The following LRFN2 variants were observed in gnomAD, a reference collection of about 807,000 sequenced individuals.
The protein encoded by LRFN2 is leucine rich repeat and fibronectin type III domain containing 2, also known as leucine-rich repeat and fibronectin type-III domain-containing protein 2.
A neutral mutation model predicts 37.3 loss-of-function variants in LRFN2; 18 were observed. That is an observed-to-expected ratio of 0.48 (90% CI 0.33 to 0.72). LRFN2 has a LOEUF of 0.72. Ranked by LOEUF, LRFN2 falls within the 30% of genes least tolerant of loss-of-function variation. The probability of loss-of-function intolerance (pLI) is 0.02; values close to 1 mark genes in which losing one functional copy is unlikely to be tolerated. For missense variants in LRFN2, 1,006 were observed against 1,060.7 expected, an observed-to-expected ratio of 0.95 and a Z score of 0.72; for synonymous variants, 556 against 466.6, an observed-to-expected ratio of 1.19 and a Z score of -2.47.
intron 1 of LRFN2, among the ~76,000 whole-genome samples, chr6:40,477,079 C>T (rs1251513322): frequency 6.6e-6 from 1 of 152,200 alleles, no homozygotes; most frequent in Non-Finnish European, 1.5e-5. Flanking sequence ...ACATATTAGA[C>T]TTACAAGGAG....
chr6:40,452,607 C>T (rs1347258), intron 1 of LRFN2, among the ~76,000 whole-genome samples: 5,513 of 152,256 alleles, frequency 0.036, 332 homozygotes, highest in African/African-American at 0.12. Context: ...GGATTTGACC[C>T]ACTTAATTGT....
At chr6:40,546,561 A>G (rs979584926) in intron 1 of LRFN2, among the ~76,000 whole-genome samples, 3 of 152,168 alleles carry the variant, frequency 2.0e-5, no homozygotes, top group African/African-American at 7.2e-5. Flanking sequence ...ACCAACTCTC[A>G]TGAATCAGAT....
chr6:40,392,140 C>T lies in LRFN2; in HGVS notation c.2173G>A (p.Asp725Asn), dbSNP rs267601025. The T allele has an allele frequency of 8.7e-6, 14 of 1,610,990 alleles. No homozygotes were observed. The highest frequency in any genetic ancestry group is 1.6e-4 in the Middle Eastern group (1 of 6,068). The change falls in exon 3 of 3, where the codon GAC (aspartate) becomes AAC (asparagine). Residue 725 changes from aspartate (D) to asparagine (N), a missense_variant. Transcript: ENST00000338305. The surrounding 1 kb of genome is among the most constrained non-coding windows in gnomAD (Gnocchi z 4.7). ...EGKAKRSHSFDMGDFAAAAAG... is the reference protein window; with the variant it reads ...EGKAKRSHSFNMGDFAAAAAG... ...GCCGCAGCAGCAAAGTCCCCCATGT[C>T]GAAGGAGTGGCTGCGTTTGGCCTTG...
chr6:40,468,760 C>G (rs1477245364), intron 1 of LRFN2, among the ~76,000 whole-genome samples: 1 of 152,136 alleles, frequency 6.6e-6, no homozygotes, highest in Non-Finnish European at 1.5e-5. Context: ...AGCTGAGCTC[C>G]TGTTCCACCT....
chr6:40,557,430 C>T (rs1766911406), intron 1 of LRFN2, among the ~76,000 whole-genome samples: 2 of 152,140 alleles, frequency 1.3e-5, no homozygotes, highest in East Asian at 1.9e-4. Flanking sequence ...GGCCTTTATC[C>T]TAGAGAGTCA....
intron 1 of LRFN2, among the ~76,000 whole-genome samples, chr6:40,490,091 C>G (rs1765053798): frequency 1.3e-5 from 2 of 152,176 alleles, no homozygotes; most frequent in South Asian, 4.1e-4. Context: ...GGGCCCAGCA[C>G]CTACTGCTCT....
intron 1 of LRFN2, among the ~76,000 whole-genome samples, chr6:40,508,988 T>G (rs941933171): frequency 6.6e-6 from 1 of 152,228 alleles, no homozygotes; most frequent in Admixed American, 6.5e-5. Context: ...CCCTTCCTTA[T>G]AAGGACTATG....
intron 1 of LRFN2, among the ~76,000 whole-genome samples, chr6:40,457,578 G>A (rs1764259828): frequency 6.8e-6 from 1 of 147,260 alleles, no homozygotes; most frequent in South Asian, 2.2e-4. Context: ...GGTTAAGGCT[G>A]CAGTGAGCCA....
At chr6:40,399,440 T>TC (rs971210486) in intron 2 of LRFN2, among the ~76,000 whole-genome samples, 4 of 135,292 alleles carry the variant, frequency 3.0e-5, no homozygotes, top group Non-Finnish European at 4.6e-5. Context: ...TTTTTTTTCT[T>TC]TTTTTTTTTT....
chr6:40,451,530 T>C (rs1764107019), intron 1 of LRFN2, among the ~76,000 whole-genome samples: 2 of 152,212 alleles, frequency 1.3e-5, no homozygotes. Flanking sequence ...TGCTTACATC[T>C]GGCCCCATGG....
At chr6:40,483,017 C>T (rs974899184) in intron 1 of LRFN2, among the ~76,000 whole-genome samples, 7 of 152,228 alleles carry the variant, frequency 4.6e-5, no homozygotes, top group South Asian at 2.1e-4. Flanking sequence ...TCACTTCCTC[C>T]GCCAAAGCCC....
intron 1 of LRFN2, among the ~76,000 whole-genome samples, chr6:40,551,822 A>C (rs972857559): frequency 6.6e-6 from 1 of 152,188 alleles, no homozygotes; most frequent in Non-Finnish European, 1.5e-5. Context: ...TATAAATATA[A>C]TTACTCTGAT....
intron 1 of LRFN2, among the ~76,000 whole-genome samples, chr6:40,458,482 T>C (rs1764280415): frequency 6.6e-6 from 1 of 152,172 alleles, no homozygotes; most frequent in South Asian, 2.1e-4. Flanking sequence ...TACACGTTGG[T>C]TTCTATATCC....
At chr6:40,484,270 T>A (rs965900911) in intron 1 of LRFN2, among the ~76,000 whole-genome samples, 6 of 152,232 alleles carry the variant, frequency 3.9e-5, no homozygotes, top group African/African-American at 1.4e-4. Flanking sequence ...CAGGGTCAGC[T>A]GAGCACTCTC....
At chr6:40,583,674 G>A (rs1006031710) in intron 1 of LRFN2, among the ~76,000 whole-genome samples, 3 of 152,166 alleles carry the variant, frequency 2.0e-5, no homozygotes, top group Non-Finnish European at 4.4e-5. Context: ...TTAGCATCCT[G>A]TCTCATCAGT....
intron 1 of LRFN2, among the ~76,000 whole-genome samples, chr6:40,570,122 A>G (rs936522183): frequency 6.6e-6 from 1 of 152,160 alleles, no homozygotes; most frequent in Non-Finnish European, 1.5e-5. Context: ...ATAGCCCCCC[A>G]GGTGATTCCA....
At chr6:40,464,972 G>T (rs894805084) in intron 1 of LRFN2, among the ~76,000 whole-genome samples, 3 of 152,158 alleles carry the variant, frequency 2.0e-5, no homozygotes, top group Non-Finnish European at 4.4e-5. Context: ...AAGGAATTAA[G>T]GTTGCAGATA....
At chr6:40,422,355 G>C (rs1448688657) in intron 2 of LRFN2, among the ~76,000 whole-genome samples, 4 of 152,116 alleles carry the variant, frequency 2.6e-5, no homozygotes, top group Admixed American at 1.3e-4. Flanking sequence ...GATTTCACTG[G>C]GCATGATGCT....
intron 2 of LRFN2, among the ~76,000 whole-genome samples, chr6:40,421,769 A>T (rs1242295044): frequency 1.3e-5 from 2 of 152,206 alleles, no homozygotes; most frequent in Non-Finnish European, 2.9e-5. Flanking sequence ...GGAGGGGTTC[A>T]TTCAATTGGT....
Sources: gnomAD v4.1 joint callset for allele counts (sites outside exome capture counted in the v4.1 genomes callset) on GRCh38, gnomAD v4.1.1 for gene constraint, Gnocchi (gnomAD v3.1) non-coding constraint, MANE v1.5 for transcripts, NCBI Gene and HGNC (gene_info 2026-07-23, HGNC 2026-07-21) for gene names.